The following STXBP5 variants were observed in gnomAD, a reference collection of about 807,000 sequenced individuals.
STXBP5 encodes syntaxin-binding protein 5.
Under a neutral mutation model 152.4 loss-of-function variants are expected in STXBP5, and 50 were observed. The observed-to-expected ratio is 0.33, with a 90% CI of 0.26 to 0.42. The LOEUF (loss-of-function observed/expected upper bound fraction) is 0.42. Ranked by LOEUF, STXBP5 falls within the 10% of genes least tolerant of loss-of-function variation. STXBP5 has a pLI of 1.00. For synonymous variants in STXBP5, 492 were observed against 494.7 expected (o/e 0.99, Z 0.07); for missense variants, 1,167 against 1,388.6 (o/e 0.84, Z 2.54).
intron 4 of STXBP5, among the ~76,000 whole-genome samples, chr6:147,250,431 G>A (rs1421386902): frequency 1.3e-5 from 2 of 152,084 alleles, no homozygotes; most frequent in African/African-American, 4.8e-5. Context: ...TAGTATATTT[G>A]CATTGCACTT....
rs1418511889 is a variant in STXBP5 at position 147,311,528 on chromosome 6, G to A, written c.1145+1G>A. The stretch of plus-strand genomic sequence containing the variant: ...TACTTATAGACCTTGCACAAAATGG[G>A]TAAGAAATAAAATTTGGTGAGTGAT... On this transcript the variant is annotated splice_donor_variant, in intron 11 of 27. Coordinates refer to ENST00000321680, the MANE Select transcript of STXBP5 (RefSeq NM_001127715.4). LOFTEE classifies it high-confidence loss of function. 6.2e-7 allele frequency: 1 copy of A among 1,608,330 alleles called. No individual in the cohort carries two copies. Among genetic ancestry groups the A allele is most frequent in the South Asian group, 1.1e-5 (1 of 90,282 alleles).
Position 147,223,678 on chromosome 6 carries a change from G to A in STXBP5, c.249-11572G>A, listed in dbSNP as rs140149492. On this transcript the variant is annotated intron_variant, in intron 2 of 27. Coordinates refer to ENST00000321680, the MANE Select transcript of STXBP5 (RefSeq NM_001127715.4). The stretch of plus-strand genomic sequence containing the variant: ...TACAAACAATGCCCAAACATGCTTG[G>A]ATTTCTTCTTTAGAGCTTCTGATTC... 3.0e-3 allele frequency among the ~76,000 whole-genome samples: 458 copies of A among 152,286 alleles called. 2 individuals carry two copies. The highest frequency in any genetic ancestry group is 4.8e-3 in the Non-Finnish European group (327 of 68,026).
intron 25 of STXBP5, among the ~76,000 whole-genome samples, chr6:147,373,430 T>G (rs751933267): frequency 2.7e-5 from 4 of 150,358 alleles, no homozygotes; most frequent in Non-Finnish European, 4.4e-5. Flanking sequence ...TCAATTGATA[T>G]GAGTTATATG....
intron 2 of STXBP5, among the ~76,000 whole-genome samples, chr6:147,224,759 A>G (rs527777154): frequency 1.2e-4 from 18 of 152,134 alleles, no homozygotes; most frequent in African/African-American, 4.1e-4. Context: ...ATGATGCTCA[A>G]TTTTTTTAAA....
intron 2 of STXBP5, among the ~76,000 whole-genome samples, chr6:147,220,007 A>T (rs1777381169): frequency 6.6e-6 from 1 of 151,656 alleles, no homozygotes; most frequent in African/African-American, 2.4e-5. Context: ...AATATATATG[A>T]ATTCAATGCT....
intron 4 of STXBP5, among the ~76,000 whole-genome samples, chr6:147,245,760 A>G (rs1778780029): frequency 6.6e-6 from 1 of 152,192 alleles, no homozygotes; most frequent in Admixed American, 6.5e-5. Context: ...ATACACAGAC[A>G]CAGAAACTCA....
At chr6:147,296,891 G>C (rs598038) in intron 9 of STXBP5, among the ~76,000 whole-genome samples, 1 of 151,584 alleles carries the variant, frequency 6.6e-6, no homozygotes, top group Non-Finnish European at 1.5e-5. Context: ...TTGAAGGCAG[G>C]TCTTTTGAAA....
chr6:147,244,239 CAG>C (rs1165321837), intron 4 of STXBP5, among the ~76,000 whole-genome samples: 11 of 152,196 alleles, frequency 7.2e-5, no homozygotes, highest in Middle Eastern at 6.8e-3. Context: ...ATTTTGGTAT[CAG>C]AGGGGTTTCT....
chr6:147,365,788 C>T (rs1370772197), intron 25 of STXBP5, among the ~76,000 whole-genome samples: 2 of 152,184 alleles, frequency 1.3e-5, no homozygotes, highest in Non-Finnish European at 2.9e-5. Flanking sequence ...ACCTTGGTTC[C>T]CTGAGTACCC....
In STXBP5 at chr6:147,314,586, C is replaced by T; in HGVS notation, c.1362-10C>T. On this transcript the variant is annotated splice_polypyrimidine_tract_variant and intron_variant, in intron 13 of 27. Coordinates refer to ENST00000321680, the MANE Select transcript of STXBP5 (RefSeq NM_001127715.4). ...TTTATTCATCACATTCTTAACATTG[C>T]TTTTCTTAGGCATGCTGATGGGTCA... The T allele has an allele frequency of 6.2e-7, 1 of 1,607,624 alleles. No homozygotes were observed. The highest frequency in any genetic ancestry group is 8.5e-7 in the Non-Finnish European group (1 of 1,177,716).
chr6:147,337,214 C>CACACACACACACACACACTA (rs150169446), intron 19 of STXBP5, among the ~76,000 whole-genome samples: 1 of 147,270 alleles, frequency 6.8e-6, no homozygotes, highest in Non-Finnish European at 1.5e-5. Flanking sequence ...CACACACACA[C>CACACACACACACACACACTA]AAGAAGTCAT....
chr6:147,267,113 A>C lies in STXBP5; in HGVS notation c.660A>C (p.Val220=). 1 of 1,611,508 alleles carries C rather than the reference A, an allele frequency of 6.2e-7. No individual in the cohort carries two copies. The highest frequency in any genetic ancestry group is 1.3e-5 in the African/African-American group (1 of 74,836). ...KLLIGFESGT[V]VLWDLKSKKA... ...TGATTGGCTTTGAATCTGGAACAGT[A>C]GTTTTATGGGACCTCAAATCAAAGA... The change falls in exon 7 of 28, where the codon GTA becomes GTC. Residue 220 remains valine (V), a synonymous_variant. Transcript: ENST00000321680.
intron 4 of STXBP5, among the ~76,000 whole-genome samples, chr6:147,253,997 G>A (rs1269030192): frequency 2.0e-5 from 3 of 152,118 alleles, no homozygotes; most frequent in East Asian, 1.9e-4. Flanking sequence ...AATCCTAAGC[G>A]AAAAGAACAA....
At position 147,237,833 on chromosome 6, in the gene STXBP5, C is replaced by T. The variant is rs370600677; in HGVS notation, c.331-1337C>T. Reference sequence around the variant, plus strand: ...AAGGGGGAGACTTTACAATTTCTTACAATACCCTAAAAGATTGGTCTTGCA... The same window carrying T: ...AAGGGGGAGACTTTACAATTTCTTATAATACCCTAAAAGATTGGTCTTGCA... On this transcript the variant is annotated intron_variant, in intron 3 of 27. Transcript: ENST00000321680. Among the ~76,000 whole-genome samples the T allele has an allele frequency of 2.2e-4, 33 of 152,252 alleles. No individual in the cohort carries two copies. The South Asian group carries it at 6.6e-3, about 31-fold the overall frequency.
intron 18 of STXBP5, among the ~76,000 whole-genome samples, chr6:147,329,617 CTTTTTTTTT>C (rs34913817): frequency 4.2e-5 from 3 of 71,708 alleles, no homozygotes; most frequent in African/African-American, 1.1e-4. Flanking sequence ...GTTCTTCAGG[CTTTTTTTTT>C]TTTTTTTTTT....
chr6:147,389,045 T>C lies in STXBP5; in HGVS notation c.*4290T>C, dbSNP rs950942040. 1 of 151,620 alleles carries C rather than the reference T, an allele frequency of 6.6e-6. No homozygotes were observed. The highest frequency in any genetic ancestry group is 1.5e-5 in the Non-Finnish European group (1 of 67,698). The allele number at this position is 151,620 out of a possible 1,614,324, so 9.4% of individuals were successfully genotyped here. A position where few individuals can be genotyped will look rare whatever the true frequency, so the allele number is the denominator to read the frequency against. On this transcript the variant is annotated 3_prime_UTR_variant, in exon 28 of 28. Transcript: ENST00000321680. ...TCCTATATCTTAAATGTCCTTCTTT[T>C]TTCTTTTCCCTTTTAGGGTATTTGT...
intron 26 of STXBP5, among the ~76,000 whole-genome samples, chr6:147,380,434 A>G (rs1786027922): frequency 6.6e-6 from 1 of 151,066 alleles, no homozygotes; most frequent in Non-Finnish European, 1.5e-5. Flanking sequence ...TGATGTTGGA[A>G]TAACTAGATA....
At chr6:147,344,907 T>C (rs750119213) in intron 21 of STXBP5, among the ~76,000 whole-genome samples, 7 of 152,188 alleles carry the variant, frequency 4.6e-5, no homozygotes, top group African/African-American at 7.2e-5. Flanking sequence ...TTATGAATGC[T>C]TGGAAAGCAG....
intron 2 of STXBP5, among the ~76,000 whole-genome samples, chr6:147,213,469 T>TGCGC (rs1487236392): frequency 3.3e-5 from 4 of 121,858 alleles, no homozygotes; most frequent in Non-Finnish European, 5.6e-5. Flanking sequence ...TGTGTGTGTG[T>TGCGC]GTGTGTGTGC....
Sources: allele counts gnomAD v4.1 joint callset (sites outside exome capture counted in the v4.1 genomes callset), GRCh38; gene constraint gnomAD v4.1.1; transcripts MANE v1.5; gene names NCBI Gene and HGNC (gene_info 2026-07-23, HGNC 2026-07-21).